FEZ2: variants seen among roughly 807,000 people sequenced by gnomAD.
FEZ2 encodes fasciculation and elongation protein zeta 2.
FEZ2 carries 51 observed loss-of-function variants against 40.4 expected under a neutral mutation model. The ratio of observed to expected loss-of-function variants is 1.26; its 90% CI spans 1.01 to 1.59. The LOEUF is 1.59. Among genes scored for constraint, FEZ2 ranks in the 40% most tolerant of loss-of-function variants. The pLI, the probability that FEZ2 is intolerant of heterozygous loss-of-function variation, is 0.00. For missense variants in FEZ2, 640 were observed against 438.3 expected (o/e 1.46, Z -4.11); for synonymous variants, 242 against 172.0 (o/e 1.41, Z -3.18).
intron 7 of FEZ2, among the ~76,000 whole-genome samples, chr2:36,554,492 G>C (rs576904654): frequency 1.3e-5 from 2 of 151,926 alleles, no homozygotes; most frequent in Non-Finnish European, 2.9e-5. Flanking sequence ...ACGAACCTCA[G>C]AACAATCCAG....
At chr2:36,589,019 G>C (rs1668991583) in intron 2 of FEZ2, among the ~76,000 whole-genome samples, 1 of 152,162 alleles carries the variant, frequency 6.6e-6, no homozygotes, top group Non-Finnish European at 1.5e-5. Flanking sequence ...AAATAACATA[G>C]AAAATATTTT....
chr2:36,591,809 C>T (rs1669082108), intron 1 of FEZ2, among the ~76,000 whole-genome samples: 1 of 152,092 alleles, frequency 6.6e-6, no homozygotes, highest in African/African-American at 2.4e-5. Flanking sequence ...AGTCATTGGC[C>T]AGGCCCCTTA....
At position 36,564,658 on chromosome 2, in the gene FEZ2, C is replaced by T. The variant is rs114231649; in HGVS notation, c.904-6145G>A. Among the ~76,000 whole-genome samples, 1,384 of 152,180 alleles carry T rather than the reference C, an allele frequency of 9.1e-3. 12 individuals are homozygous for T. Among genetic ancestry groups the T allele is most frequent in the African/African-American group, 0.032 (1,326 of 41,502 alleles). On this transcript the variant is annotated intron_variant, in intron 5 of 7. Transcript: ENST00000405912. ...AGAGAAAAGCTGCCTGAGGAGATGACATCTGAGCTGAAATATGACGTATAC... is the reference window on the plus strand; with the variant it reads ...AGAGAAAAGCTGCCTGAGGAGATGATATCTGAGCTGAAATATGACGTATAC...
intron 5 of FEZ2, among the ~76,000 whole-genome samples, chr2:36,560,028 C>T (rs1309113742): frequency 1.3e-5 from 2 of 152,224 alleles, no homozygotes; most frequent in South Asian, 2.1e-4. Flanking sequence ...ACATTTTGTA[C>T]ACCTTCTTAA....
rs1466421188 is a variant in FEZ2, at chr2:36,598,065, A to C, written c.78T>G (p.Cys26Trp). ...CCGCCCCAGGCTCGGGGCTCGCGTTACAGTTCTCCTGGTCCAGGAGGCTCC... is the reference window on the plus strand; with the variant it reads ...CCGCCCCAGGCTCGGGGCTCGCGTTCCAGTTCTCCTGGTCCAGGAGGCTCC... The part of the protein sequence containing the change: ...PARSLLDQEN[C>W]NASPEPGAEA... Residue 26 changes from cysteine to tryptophan, a missense_variant, in exon 1 of 8, where the codon TGT becomes TGG. Coordinates refer to ENST00000405912, the MANE Select transcript of FEZ2 (RefSeq NM_005102.3). The C allele has an allele frequency of 6.9e-7, 1 of 1,449,446 alleles. No homozygotes were observed. Among genetic ancestry groups the C allele is most frequent in the African/African-American group, 1.7e-5 (1 of 60,520 alleles). 89.8% of individuals were successfully genotyped at this position (1,449,446 alleles called of 1,614,324 possible). A position where few individuals can be genotyped will look rare whatever the true frequency, so the allele number is the denominator to read the frequency against.
intron 5 of FEZ2, among the ~76,000 whole-genome samples, chr2:36,573,109 T>C (rs907880935): frequency 6.6e-6 from 1 of 152,190 alleles, no homozygotes; most frequent in South Asian, 2.1e-4. Context: ...TGTAACACAG[T>C]AGAAATTCTC....
intron 5 of FEZ2, among the ~76,000 whole-genome samples, chr2:36,568,193 G>T (rs1383694108): frequency 2.0e-5 from 3 of 151,906 alleles, no homozygotes; most frequent in Non-Finnish European, 4.4e-5. Context: ...GGGGAGGAGG[G>T]AGACAGAGTG....
intron 5 of FEZ2, among the ~76,000 whole-genome samples, chr2:36,578,038 C>T (rs1668627051): frequency 6.6e-6 from 1 of 152,174 alleles, no homozygotes; most frequent in Non-Finnish European, 1.5e-5. Context: ...TTGTTTTCAC[C>T]AGTCAGAAAT....
chr2:36,593,739 A>ACATGGC (rs1034445570), intron 1 of FEZ2, among the ~76,000 whole-genome samples: 1 of 152,022 alleles, frequency 6.6e-6, no homozygotes, highest in African/African-American at 2.4e-5. Flanking sequence ...AAGGTCTCTG[A>ACATGGC]CATGGCCTGG....
At chr2:36,572,018 A>G (rs1350007455) in intron 5 of FEZ2, among the ~76,000 whole-genome samples, 9 of 12,126 alleles carry the variant, frequency 7.4e-4, no homozygotes, top group Admixed American at 1.1e-3. Flanking sequence ...CCGTCTCAGG[A>G]AAAAAAAAAA....
rs759552008 is a variant in FEZ2 at position 36,581,377 on chromosome 2, C to T, written c.547G>A (p.Glu183Lys). 8.1e-6 allele frequency: 13 copies of T among 1,613,354 alleles called. No individual in the cohort carries two copies. The East Asian group carries it at 2.5e-4, about 30-fold the overall frequency. Residue 183 changes from glutamate (E) to lysine (K), a missense_variant, in exon 4 of 8, where the codon GAA (glutamate) becomes AAA (lysine). Glu to Lys is a moderately conservative substitution (Grantham distance 56, BLOSUM62 1). Transcript: ENST00000405912. ...AGCCGATCTGACTGTGTAGGGGTTT[C>T]ATCATCTTCTGGGTCCGGTGATTCC... is the stretch of plus-strand genomic sequence containing the variant. ...MQESPDPEDDETPTQSDRLSM... is the reference protein window; with the variant it reads ...MQESPDPEDDKTPTQSDRLSM...
At chr2:36,553,273 G>A in intron 7 of FEZ2, 94 bp from the exon 8 acceptor site, 1 of 959,150 alleles carries the variant, frequency 1.0e-6, no homozygotes, top group Non-Finnish European at 1.6e-6. Flanking sequence ...AAACCATTAA[G>A]TAATGAGAAC....
intron 6 of FEZ2, 23 bp downstream of exon 6, chr2:36,558,415 A>AC (rs1668007485): frequency 7.1e-7 from 1 of 1,409,960 alleles, no homozygotes; most frequent in African/African-American, 1.4e-5. Flanking sequence ...ATCAGGTAAT[A>AC]GTTTCATTTT....
In FEZ2 at chr2:36,596,041, T is replaced by G. The variant is rs111365991; in HGVS notation, c.266+1836A>C. Among the ~76,000 whole-genome samples, 741 of 152,354 alleles carry G rather than the reference T, an allele frequency of 4.9e-3. 6 individuals carry two copies. In the Middle Eastern group the frequency reaches 0.054, roughly 11 times the overall value. On this transcript the variant is annotated intron_variant, in intron 1 of 7. Transcript: ENST00000405912. ...CCAGAATGTGTCCTGGGTTTAGTGA[T>G]TCAGAGTATCTAAATCTACATATAC... is the stretch of plus-strand genomic sequence containing the variant.
Position 36,553,163 on chromosome 2 carries a change from C to G in FEZ2, c.1062G>C (p.Ter354TyrextTer19). 6.4e-7 allele frequency: 1 copy of G among 1,565,640 alleles called. No individual in the cohort carries two copies. The highest frequency in any genetic ancestry group is 2.3e-5 in the East Asian group (1 of 42,670). ...DYILKVLCPT[*>Y] is the part of the protein sequence containing the mutation. Reference sequence around the variant, plus strand: ...GCCCACCGCAGATAAAGTTGCTGCTCTATGTAGGACACAGAACTAGAAGAA... The same window carrying G: ...GCCCACCGCAGATAAAGTTGCTGCTGTATGTAGGACACAGAACTAGAAGAA... Residue 354 changes from the stop codon to tyrosine (Y), a stop_lost, in exon 8 of 8, where the codon TAG becomes TAC. Transcript: ENST00000405912.
rs1235937817 is a variant in FEZ2 at position 36,598,033 on chromosome 2, C to T, written c.110G>A (p.Gly37Glu). 3 of 1,502,118 alleles carry T rather than the reference C, an allele frequency of 2.0e-6. No homozygotes were observed. The African/African-American group carries it at 4.4e-5, about 22-fold the overall frequency. 93.0% of individuals were successfully genotyped at this position (1,502,118 alleles called of 1,614,324 possible). ...GTCGGCGCCCCCACCCGCCTCGGCC[C>T]CCGCCTCCGCCCCAGGCTCGGGGCT... ...NASPEPGAEA[G>E]AEAGGGADGF... Residue 37 changes from glycine to glutamate, a missense_variant, in exon 1 of 8, where the codon GGG becomes GAG. Coordinates refer to ENST00000405912, the MANE Select transcript of FEZ2 (RefSeq NM_005102.3).
rs968494089 is a variant in FEZ2 at position 36,558,450 on chromosome 2, T to C, written c.967A>G (p.Ile323Val). ...TGTCTTTGCTCACTTTTTGTTAATATTTGAAGATCTTCAACAGACGGTGGT... is the reference window on the plus strand; with the variant it reads ...TGTCTTTGCTCACTTTTTGTTAATACTTGAAGATCTTCAACAGACGGTGGT... The part of the protein sequence containing the change: ...NGPPSVEDLQ[I>V]LTKILRAMKE... The change falls in exon 6 of 8, where the codon ATA becomes GTA. Residue 323 changes from isoleucine to valine, a missense_variant. Ile to Val is a conservative substitution (Grantham distance 29). Transcript: ENST00000405912. 6.6e-7 allele frequency: 1 copy of C among 1,525,998 alleles called. No homozygotes were observed. Among genetic ancestry groups the C allele is most frequent in the Admixed American group, 2.1e-5 (1 of 48,316 alleles). The allele number at this position is 1,525,998 out of a possible 1,614,324, so 94.5% of individuals were successfully genotyped here.
chr2:36,574,702 A>G (rs1354782093), intron 5 of FEZ2, among the ~76,000 whole-genome samples: 1 of 152,190 alleles, frequency 6.6e-6, no homozygotes, highest in Non-Finnish European at 1.5e-5. Context: ...ATTTGATTCC[A>G]GAAGAAGAGC....
rs1205473780 is a variant in FEZ2 at position 36,552,680 on chromosome 2, C to T, written c.*483G>A. On this transcript the variant is annotated 3_prime_UTR_variant, in exon 8 of 8. Coordinates refer to ENST00000405912, the MANE Select transcript of FEZ2 (RefSeq NM_005102.3). ...TCTGGTTTTGCTTCTTCAAGAACAG[C>T]CCGTTTATTCTGTTTCAATCTCTCT... 5.1e-6 allele frequency: 1 copy of T among 197,210 alleles called. No homozygotes were observed. Among genetic ancestry groups the T allele is most frequent in the South Asian group, 9.0e-5 (1 of 11,098 alleles). The allele number at this position is 197,210 out of a possible 1,614,324, so 12.2% of individuals were successfully genotyped here.
Sources: gnomAD v4.1 joint callset for allele counts (sites outside exome capture counted in the v4.1 genomes callset) on GRCh38, gnomAD v4.1.1 for gene constraint, MANE v1.5 for transcripts, NCBI Gene and HGNC (gene_info 2026-07-23, HGNC 2026-07-21) for gene names.